The following HMGCLL1 variants were observed in gnomAD, a reference collection of about 807,000 sequenced individuals.
HMGCLL1 encodes the protein 3-hydroxy-3-methylglutaryl-CoA lyase like 1.
A neutral mutation model predicts 39.1 loss-of-function variants in HMGCLL1; 36 were observed. The ratio of observed to expected loss-of-function variants is 0.92; its 90% CI spans 0.71 to 1.22. HMGCLL1 has a LOEUF of 1.22. Among genes scored for constraint, HMGCLL1 ranks in the 50% most tolerant of loss-of-function variants. The pLI, the probability that HMGCLL1 is intolerant of heterozygous loss-of-function variation, is 0.00. For synonymous variants in HMGCLL1, 149 were observed against 144.0 expected, an observed-to-expected ratio of 1.03 and a Z score of -0.25; for missense variants, 451 against 416.5, an observed-to-expected ratio of 1.08 and a Z score of -0.72.
intron 5 of HMGCLL1, among the ~76,000 whole-genome samples, chr6:55,500,996 T>TA (rs1226572900): frequency 6.6e-6 from 1 of 151,922 alleles, no homozygotes; most frequent in Non-Finnish European, 1.5e-5. Context: ...TTCAAATTAT[T>TA]ATTTGGCCAC....
intron 7 of HMGCLL1, among the ~76,000 whole-genome samples, chr6:55,489,459 C>T (rs1766204345): frequency 6.6e-6 from 1 of 150,994 alleles, no homozygotes; most frequent in Non-Finnish European, 1.5e-5. Flanking sequence ...ACTATAAAAG[C>T]CAAATTTAAG....
chr6:55,547,457 T>C (rs573432477), intron 1 of HMGCLL1, among the ~76,000 whole-genome samples: 4 of 152,152 alleles, frequency 2.6e-5, no homozygotes, highest in East Asian at 3.9e-4. Flanking sequence ...TGCTTTTTTT[T>C]CCCCTAGGAA....
chr6:55,465,857 A>C (rs1289705642), intron 7 of HMGCLL1, among the ~76,000 whole-genome samples: 4 of 152,062 alleles, frequency 2.6e-5, no homozygotes, highest in Non-Finnish European at 5.9e-5. Context: ...AGTGACACTG[A>C]AACTATTTCT....
At chr6:55,470,480 T>C (rs1478528007) in intron 7 of HMGCLL1, among the ~76,000 whole-genome samples, 1 of 151,852 alleles carries the variant, frequency 6.6e-6, no homozygotes, top group African/African-American at 2.4e-5. Context: ...TAGCTTTGGT[T>C]CAGGAAATCT....
chr6:55,523,649 C>T (rs1022093375), intron 3 of HMGCLL1, among the ~76,000 whole-genome samples: 1 of 151,698 alleles, frequency 6.6e-6, no homozygotes. Flanking sequence ...TATATAAAAC[C>T]CAGTATATCA....
At chr6:55,550,613 T>G (rs1363274023) in intron 1 of HMGCLL1, among the ~76,000 whole-genome samples, 2 of 152,022 alleles carry the variant, frequency 1.3e-5, no homozygotes, top group East Asian at 3.9e-4. Context: ...ACTGAGGAAG[T>G]GGTCTCCAAA....
At chr6:55,648,341 C>A in the HMGCLL1 span, among the ~76,000 whole-genome samples, 1 of 149,064 alleles carries the variant, frequency 6.7e-6, no homozygotes, top group African/African-American at 2.5e-5. Context: ...CAAAAGCTAG[C>A]AGAAGGCAAG....
At chr6:55,542,907 TATTGTTATTAG>T (rs1444301646) in intron 1 of HMGCLL1, among the ~76,000 whole-genome samples, 1 of 132,668 alleles carries the variant, frequency 7.5e-6, no homozygotes, top group African/African-American at 2.8e-5. Context: ...AGATTATTTA[TATTGTTATTAG>T]ATTGTTATTA....
intron 1 of HMGCLL1, among the ~76,000 whole-genome samples, chr6:55,571,760 G>A (rs1354498792): frequency 2.0e-5 from 3 of 152,056 alleles, no homozygotes; most frequent in Admixed American, 6.6e-5. Context: ...AGTAAGTCGA[G>A]ATCGCGCCAC....
chr6:55,542,980 TAATAC>T lies in HMGCLL1; in HGVS notation c.109-845_109-841del, dbSNP rs1357093216. ...AATAATATATAATATATATTATAAA[TAATAC>T]AATATATATTATAAATTATTATAAT... is the stretch of plus-strand genomic sequence containing the variant. On this transcript the variant is annotated intron_variant, in intron 1 of 8. Coordinates refer to ENST00000274901, the MANE Select transcript of HMGCLL1 (RefSeq NM_001042406.2). Among the ~76,000 whole-genome samples the T allele has an allele frequency of 2.4e-4, 26 of 110,084 alleles. 2 individuals are homozygous for T. The Admixed American group carries it at 2.9e-3, about 12-fold the overall frequency. 72.2% of individuals were successfully genotyped at this position (110,084 alleles called of 152,430 possible). A position where few individuals can be genotyped will look rare whatever the true frequency, so the allele number is the denominator to read the frequency against.
rs115737196 is a variant in HMGCLL1, at chr6:55,521,917, C to G, written c.298-5314G>C. On this transcript the variant is annotated intron_variant, in intron 3 of 8. Transcript: ENST00000274901. ...GATAAACCAGGCCTCTTATGCCAAA[C>G]AGTTAGAAAAGTTTTAAATGCAAAG... is the stretch of plus-strand genomic sequence containing the variant. 7.3e-3 allele frequency among the ~76,000 whole-genome samples: 1,112 copies of G among 152,110 alleles called. 16 individuals are homozygous for G. The highest frequency in any genetic ancestry group is 0.025 in the African/African-American group (1,034 of 41,540).
chr6:55,442,044 A>G (rs142473270), intron 7 of HMGCLL1, among the ~76,000 whole-genome samples: 1 of 152,210 alleles, frequency 6.6e-6, no homozygotes, highest in Non-Finnish European at 1.5e-5. Context: ...GTTTTGGGAG[A>G]AGACCACAGA....
intron 5 of HMGCLL1, chr6:55,512,138 CTAAGA>C (rs1245913494): frequency 6.6e-6 from 1 of 152,018 alleles, no homozygotes; most frequent in Non-Finnish European, 1.5e-5. Flanking sequence ...CAACAGAAAG[CTAAGA>C]TAATAAAAGG....
chr6:55,627,127 G>C, the HMGCLL1 span, among the ~76,000 whole-genome samples: 1 of 150,184 alleles, frequency 6.7e-6, no homozygotes, highest in South Asian at 2.1e-4. Context: ...AGGGGTAGTA[G>C]AAGAAGGTAG....
intron 1 of HMGCLL1, among the ~76,000 whole-genome samples, chr6:55,549,373 A>AGTGT (rs70986732): frequency 0.093 from 13,508 of 145,320 alleles, 776 homozygotes; most frequent in Admixed American, 0.17. Flanking sequence ...CAAATACAGA[A>AGTGT]GTGTGTGTGT....
chr6:55,548,180 T>C (rs1770104607), intron 1 of HMGCLL1, among the ~76,000 whole-genome samples: 1 of 152,082 alleles, frequency 6.6e-6, no homozygotes, highest in African/African-American at 2.4e-5. Flanking sequence ...GCTTACTTTT[T>C]AGCAGTTTTT....
chr6:55,571,376 T>C (rs183228777), intron 1 of HMGCLL1, among the ~76,000 whole-genome samples: 2 of 152,314 alleles, frequency 1.3e-5, no homozygotes, highest in South Asian at 2.1e-4. Context: ...CTTTAAAATA[T>C]ATATTTTGCT....
At chr6:55,559,438 G>A (rs991375591) in intron 1 of HMGCLL1, among the ~76,000 whole-genome samples, 2 of 152,168 alleles carry the variant, frequency 1.3e-5, no homozygotes, top group African/African-American at 4.8e-5. Context: ...GACCATTGAA[G>A]TTATTTCTGG....
At chr6:55,439,263 C>G (rs1763493817) in intron 8 of HMGCLL1, among the ~76,000 whole-genome samples, 171 bp downstream of exon 8, 1 of 152,042 alleles carries the variant, frequency 6.6e-6, no homozygotes, top group African/African-American at 2.4e-5. Flanking sequence ...CAATGAGTTA[C>G]TTTATAAAGA....
Sources: gnomAD v4.1 joint callset for allele counts (sites outside exome capture counted in the v4.1 genomes callset) on GRCh38, gnomAD v4.1.1 for gene constraint, MANE v1.5 for transcripts, NCBI Gene and HGNC (gene_info 2026-07-23, HGNC 2026-07-21) for gene names.